TMEFF2: variants seen among roughly 807,000 people sequenced by gnomAD.
TMEFF2 encodes the protein transmembrane protein with EGF like and two follistatin like domains 2.
In TMEFF2, 28 loss-of-function variants were observed where a neutral mutation model predicts 53.8. The observed-to-expected ratio is 0.52, with a 90% CI of 0.39 to 0.71. The LOEUF is 0.71. Among genes scored for constraint, TMEFF2 ranks in the 30% least tolerant of loss-of-function variants. The probability of loss-of-function intolerance (pLI) is 0.00; values close to 1 mark genes in which losing one functional copy is unlikely to be tolerated. For missense variants in TMEFF2, 353 were observed against 455.2 expected, an observed-to-expected ratio of 0.78 and a Z score of 2.04; for synonymous variants, 162 against 166.3, an observed-to-expected ratio of 0.97 and a Z score of 0.20.
At chr2:192,193,761 T>TAGATAGAGAG (rs1553534664) in intron 1 of TMEFF2, among the ~76,000 whole-genome samples, 2 of 47,824 alleles carry the variant, frequency 4.2e-5, no homozygotes, top group Admixed American at 2.4e-4. Context: ...GATAGATAGA[T>TAGATAGAGAG]AGAGAGAGAG....
At chr2:191,968,831 G>A (rs1007571506) in intron 7 of TMEFF2, among the ~76,000 whole-genome samples, 1 of 151,924 alleles carries the variant, frequency 6.6e-6, no homozygotes, top group African/African-American at 2.4e-5. Context: ...CTTCATTCTG[G>A]GAAACACTGC....
chr2:192,037,423 C>A (rs1015379501), intron 5 of TMEFF2, among the ~76,000 whole-genome samples: 1 of 151,176 alleles, frequency 6.6e-6, no homozygotes, highest in African/African-American at 2.4e-5. Context: ...GGTTCTATTT[C>A]CTTAGAAATA....
At chr2:191,950,936 G>C (rs1027111122) in intron 9 of TMEFF2, among the ~76,000 whole-genome samples, 1 of 151,994 alleles carries the variant, frequency 6.6e-6, no homozygotes, top group African/African-American at 2.4e-5. Context: ...GACATAAATT[G>C]GTACCAGTTA....
At chr2:192,092,746 G>A (rs1688818824) in intron 4 of TMEFF2, among the ~76,000 whole-genome samples, 1 of 152,128 alleles carries the variant, frequency 6.6e-6, no homozygotes, top group Non-Finnish European at 1.5e-5. Context: ...CAAGTGAGTA[G>A]AAGGTGATGT....
intron 4 of TMEFF2, among the ~76,000 whole-genome samples, chr2:192,092,916 G>A (rs1455877830): frequency 6.6e-6 from 1 of 152,096 alleles, no homozygotes; most frequent in Non-Finnish European, 1.5e-5. Context: ...CGCCCTGTAA[G>A]ATTCATTTTG....
At chr2:192,101,776 T>C (rs933091868) in intron 4 of TMEFF2, among the ~76,000 whole-genome samples, 1 of 152,198 alleles carries the variant, frequency 6.6e-6, no homozygotes, top group Non-Finnish European at 1.5e-5. Flanking sequence ...CTTAGACATC[T>C]AGTCAGCCTG....
intron 4 of TMEFF2, among the ~76,000 whole-genome samples, chr2:192,134,301 C>G (rs147128376): frequency 6.6e-6 from 1 of 152,170 alleles, no homozygotes; most frequent in Admixed American, 6.5e-5. Flanking sequence ...CACACCTGAT[C>G]CCCATGACTG....
At chr2:192,079,225 G>T (rs73043786) in intron 4 of TMEFF2, among the ~76,000 whole-genome samples, 16,995 of 152,194 alleles carry the variant, frequency 0.11, 1,257 homozygotes, top group East Asian at 0.35. Flanking sequence ...AGCAATATTT[G>T]CTCTGCAGAT....
At chr2:192,135,739 A>C (rs1021261077) in intron 4 of TMEFF2, among the ~76,000 whole-genome samples, 3 of 152,152 alleles carry the variant, frequency 2.0e-5, no homozygotes, top group Non-Finnish European at 4.4e-5. Flanking sequence ...ATATACACCC[A>C]GATGGCCTGA....
At chr2:192,013,509 G>A (rs1485144841) in intron 5 of TMEFF2, among the ~76,000 whole-genome samples, 2 of 150,512 alleles carry the variant, frequency 1.3e-5, no homozygotes, top group Middle Eastern at 3.2e-3. Flanking sequence ...GTAGCGCAGT[G>A]GCACAATCTC....
chr2:192,193,804 A>AGAGG (rs1691532086), intron 1 of TMEFF2, among the ~76,000 whole-genome samples: 1 of 147,536 alleles, frequency 6.8e-6, no homozygotes, highest in African/African-American at 2.5e-5. Flanking sequence ...AGAGAGAGAG[A>AGAGG]GAGAAATTCT....
intron 4 of TMEFF2, among the ~76,000 whole-genome samples, chr2:192,114,962 G>T (rs1230705239): frequency 2.0e-5 from 3 of 151,856 alleles, no homozygotes; most frequent in African/African-American, 7.2e-5. Flanking sequence ...CTATATAGCT[G>T]ACTATATATA....
At chr2:192,079,699 A>C (rs1369776889) in intron 4 of TMEFF2, among the ~76,000 whole-genome samples, 2 of 152,236 alleles carry the variant, frequency 1.3e-5, no homozygotes, top group African/African-American at 2.4e-5. Context: ...TTCTTTATCT[A>C]AACTTTGATC....
intron 4 of TMEFF2, among the ~76,000 whole-genome samples, chr2:192,092,230 G>A (rs1296960156): frequency 6.6e-6 from 1 of 152,050 alleles, no homozygotes; most frequent in East Asian, 1.9e-4. Context: ...TCACAATAAA[G>A]TTTTATATTG....
chr2:191,972,657 T>C (rs755415897), intron 7 of TMEFF2, among the ~76,000 whole-genome samples: 4 of 152,138 alleles, frequency 2.6e-5, no homozygotes, highest in Non-Finnish European at 4.4e-5. Context: ...ATTACTTTTA[T>C]TTCCCTTGTA....
intron 2 of TMEFF2, among the ~76,000 whole-genome samples, chr2:192,187,171 C>T (rs1341010572): frequency 2.0e-5 from 3 of 152,118 alleles, no homozygotes; most frequent in Non-Finnish European, 2.9e-5. Context: ...CTAAGTTGTC[C>T]TATCTCTTTC....
intron 5 of TMEFF2, among the ~76,000 whole-genome samples, chr2:192,040,622 CT>C (rs944023561): frequency 2.7e-4 from 41 of 152,068 alleles, no homozygotes; most frequent in African/African-American, 9.9e-4. Context: ...ACTGGGGACG[CT>C]TTGGGGGTAG....
intron 7 of TMEFF2, among the ~76,000 whole-genome samples, chr2:191,982,719 C>T (rs1685883678): frequency 1.3e-5 from 2 of 152,046 alleles, no homozygotes; most frequent in Non-Finnish European, 2.9e-5. Context: ...ATTTTTCTAT[C>T]AAAATTTCCA....
chr2:192,017,367 T>C (rs1459189116), intron 5 of TMEFF2, among the ~76,000 whole-genome samples: 4 of 152,128 alleles, frequency 2.6e-5, no homozygotes, highest in African/African-American at 7.2e-5. Context: ...GTTGCCTATT[T>C]TAGAAGTACC....
Sources: gnomAD v4.1 joint callset for allele counts (sites outside exome capture counted in the v4.1 genomes callset) on GRCh38, gnomAD v4.1.1 for gene constraint, MANE v1.5 for transcripts, NCBI Gene and HGNC (gene_info 2026-07-23, HGNC 2026-07-21) for gene names.